Variants in MSRA observed in about 807,000 individuals in gnomAD.
The protein encoded by MSRA is methionine sulfoxide reductase A.
In MSRA, 54 loss-of-function variants were observed where a neutral mutation model predicts 31.3. The observed-to-expected ratio is 1.73, with a 90% CI of 1.39 to 2.17. The LOEUF is 2.17. Among genes scored for constraint, MSRA ranks in the 30% most tolerant of loss-of-function variants. The probability of loss-of-function intolerance (pLI) is 0.00; values close to 1 mark genes in which losing one functional copy is unlikely to be tolerated. For missense variants in MSRA, 507 were observed against 300.9 expected (o/e 1.69, Z -5.07); for synonymous variants, 169 against 116.5 (o/e 1.45, Z -2.90).
At chr8:10,415,530 C>T (rs1008492765) in intron 5 of MSRA, among the ~76,000 whole-genome samples, 1 of 152,084 alleles carries the variant, frequency 6.6e-6, no homozygotes, top group Admixed American at 6.5e-5. Context: ...GCTGGGTCCC[C>T]AGAGACGAGT....
At chr8:10,154,232 G>A (rs1803954820) in intron 1 of MSRA, among the ~76,000 whole-genome samples, 1 of 152,144 alleles carries the variant, frequency 6.6e-6, no homozygotes, top group Non-Finnish European at 1.5e-5. Flanking sequence ...AAACCTTGCG[G>A]AAGAGTAGCC....
intron 2 of MSRA, among the ~76,000 whole-genome samples, chr8:10,219,858 C>T (rs1159113355): frequency 2.1e-5 from 3 of 145,676 alleles, no homozygotes; most frequent in African/African-American, 7.7e-5. Context: ...ACAATGTACA[C>T]CTTTTTGGTT....
chr8:10,392,438 A>C (rs983845815), intron 5 of MSRA, among the ~76,000 whole-genome samples: 1 of 152,114 alleles, frequency 6.6e-6, no homozygotes, highest in African/African-American at 2.4e-5. Flanking sequence ...CACTGAGTCC[A>C]GTGCAGCCCT....
intron 1 of MSRA, among the ~76,000 whole-genome samples, chr8:10,101,037 G>C (rs1799497771): frequency 6.6e-6 from 1 of 152,156 alleles, no homozygotes; most frequent in Non-Finnish European, 1.5e-5. Context: ...AAAGACCCAG[G>C]AGTGTTTCAC....
intron 1 of MSRA, among the ~76,000 whole-genome samples, chr8:10,123,914 G>C (rs117521120): frequency 2.5e-3 from 373 of 151,602 alleles, no homozygotes; most frequent in Admixed American, 4.5e-3. Context: ...ACCCAGGCTA[G>C]AGTGCAGTGG....
At chr8:10,123,610 C>A (rs920883838) in intron 1 of MSRA, among the ~76,000 whole-genome samples, 4 of 152,012 alleles carry the variant, frequency 2.6e-5, no homozygotes, top group Admixed American at 6.6e-5. Context: ...ATGTTCAGGG[C>A]AGTATAGGTT....
At chr8:10,055,615 T>C (rs894820596) in intron 1 of MSRA, among the ~76,000 whole-genome samples, 13 of 152,370 alleles carry the variant, frequency 8.5e-5, no homozygotes, top group Admixed American at 6.5e-4. Flanking sequence ...ATGTACGCTG[T>C]AGCTTGTAAA....
At chr8:10,057,482 G>C (rs1378301912) in intron 1 of MSRA, among the ~76,000 whole-genome samples, 1 of 152,192 alleles carries the variant, frequency 6.6e-6, no homozygotes, top group East Asian at 1.9e-4. Context: ...GTTCCTTACA[G>C]TCAGAACTGA....
chr8:10,212,238 A>C (rs964652013), intron 2 of MSRA, among the ~76,000 whole-genome samples: 1 of 152,142 alleles, frequency 6.6e-6, no homozygotes, highest in Non-Finnish European at 1.5e-5. Flanking sequence ...TTTGTCATCC[A>C]AACTAGGATA....
intron 5 of MSRA, among the ~76,000 whole-genome samples, chr8:10,415,073 C>T (rs944364817): frequency 6.6e-6 from 1 of 152,166 alleles, no homozygotes; most frequent in African/African-American, 2.4e-5. Context: ...GGGAAACCAT[C>T]CTGCGGGTGG....
At chr8:10,280,626 T>G (rs1453621443) in intron 3 of MSRA, among the ~76,000 whole-genome samples, 1 of 152,210 alleles carries the variant, frequency 6.6e-6, no homozygotes, top group Non-Finnish European at 1.5e-5. Flanking sequence ...CTTAAAAGGT[T>G]AAACATAGGG....
intron 3 of MSRA, among the ~76,000 whole-genome samples, chr8:10,258,520 C>T (rs753949746): frequency 2.0e-5 from 3 of 152,122 alleles, no homozygotes; most frequent in Admixed American, 6.5e-5. Context: ...TGATCAATGC[C>T]GAGTTGTCAC....
At chr8:10,396,654 G>A (rs982639789) in intron 5 of MSRA, among the ~76,000 whole-genome samples, 4 of 152,188 alleles carry the variant, frequency 2.6e-5, no homozygotes, top group Admixed American at 2.0e-4. Flanking sequence ...CATACGTGTG[G>A]CTGTTGAATA....
chr8:10,075,708 C>T (rs1347705640), intron 1 of MSRA, among the ~76,000 whole-genome samples: 1 of 152,200 alleles, frequency 6.6e-6, no homozygotes, highest in East Asian at 1.9e-4. Flanking sequence ...ACAAGTTCCA[C>T]AAAGAACTCT....
intron 1 of MSRA, among the ~76,000 whole-genome samples, chr8:10,143,610 C>T (rs1378709671): frequency 6.6e-6 from 1 of 152,106 alleles, no homozygotes; most frequent in Non-Finnish European, 1.5e-5. Context: ...TTCCCCGTTA[C>T]CAGAAGCAGC....
At chr8:10,064,354 C>T (rs1355584515) in intron 1 of MSRA, among the ~76,000 whole-genome samples, 1 of 151,550 alleles carries the variant, frequency 6.6e-6, no homozygotes, top group Non-Finnish European at 1.5e-5. Context: ...TAGGCTTTTG[C>T]CCATTTTTTT....
chr8:10,202,952 T>C (rs1320251964), intron 1 of MSRA, among the ~76,000 whole-genome samples: 3 of 152,072 alleles, frequency 2.0e-5, no homozygotes, highest in Admixed American at 2.0e-4. Flanking sequence ...GGCCGTCTTG[T>C]CCTGGATCGC....
intron 3 of MSRA, among the ~76,000 whole-genome samples, chr8:10,289,764 C>T (rs537874802): frequency 9.2e-5 from 14 of 152,276 alleles, no homozygotes; most frequent in Admixed American, 1.3e-4. Flanking sequence ...TTTAGGAAAA[C>T]GTACGCTTGA....
At chr8:10,267,508 C>T (rs1798808467) in intron 3 of MSRA, among the ~76,000 whole-genome samples, 1 of 152,080 alleles carries the variant, frequency 6.6e-6, no homozygotes, top group South Asian at 2.1e-4. Context: ...TGGTATATGG[C>T]TCAGTCTCCA....
Sources: gnomAD v4.1 joint callset for allele counts (sites outside exome capture counted in the v4.1 genomes callset) on GRCh38, gnomAD v4.1.1 for gene constraint, MANE v1.5 for transcripts, NCBI Gene and HGNC (gene_info 2026-07-23, HGNC 2026-07-21) for gene names.